RAC3: variants seen among roughly 807,000 people sequenced by gnomAD.
RAC3 encodes the protein Rac family small GTPase 3.
A neutral mutation model predicts 19.0 loss-of-function variants in RAC3; 9 were observed. The observed-to-expected ratio is 0.47, with a 90% confidence interval of 0.29 to 0.83. RAC3 has a LOEUF of 0.83. Ranked by LOEUF, RAC3 falls within the 40% of genes least tolerant of loss-of-function variation. The pLI is 0.09. For synonymous variants in RAC3, 146 were observed against 111.8 expected (o/e 1.31, Z -1.93); for missense variants, 203 against 260.8 (o/e 0.78, Z 1.53).
At position 82,033,345 on chromosome 17, in the gene RAC3, G is replaced by C. The variant is rs555156494; in HGVS notation, c.289-95G>C. The C allele has an allele frequency of 7.3e-7, 1 of 1,363,316 alleles. No homozygotes were observed. Among genetic ancestry groups the C allele is most frequent in the African/African-American group, 1.5e-5 (1 of 68,404 alleles). 84.5% of individuals were successfully genotyped at this position (1,363,316 alleles called of 1,614,324 possible). On this transcript the variant is annotated intron_variant, in intron 4 of 5. Transcript: ENST00000306897. The surrounding 1 kb of genome is among the most constrained non-coding windows in gnomAD (Gnocchi z 6.2). ...GGAAGAAGAGCCAAGTGTAGCTCTG[G>C]AACAGTGGGGAAAGTCCCTGAGGGC... is the stretch of plus-strand genomic sequence containing the variant.
In RAC3 at chr17:82,032,581, C is replaced by T. The variant is rs1201554489; in HGVS notation, c.107+123C>T. 9 of 1,440,750 alleles carry T rather than the reference C, an allele frequency of 6.2e-6. No individual in the cohort carries two copies. The South Asian group carries it at 7.1e-5, about 11-fold the overall frequency. The allele number at this position is 1,440,750 out of a possible 1,614,324, so 89.2% of individuals were successfully genotyped here. ...CAGGTGGCCCTGTCTCTGGGCTTCC[C>T]GGCTGGAGCTGAGGTGCTGGCCAGA... On this transcript the variant is annotated intron_variant, in intron 2 of 5. Transcript: ENST00000306897.
rs763154955 is a variant in RAC3, at chr17:82,033,870, C to G, written c.*41C>G. The G allele has an allele frequency of 3.2e-5, 50 of 1,553,784 alleles. No individual in the cohort carries two copies. The highest frequency in any genetic ancestry group is 1.8e-4 in the Middle Eastern group (1 of 5,694). ...GAGCCTGAGGGCTGGCGGGGAGCAG[C>G]CCTGGACGTGTCCGCTGTTGTGTTG... On this transcript the variant is annotated 3_prime_UTR_variant, in exon 6 of 6. Coordinates refer to ENST00000306897, the MANE Select transcript of RAC3 (RefSeq NM_005052.3). The surrounding 1 kb of genome is among the most constrained non-coding windows in gnomAD (Gnocchi z 6.2).
chr17:82,032,868 C>T, intron 3 of RAC3, 40 bp downstream of exon 3: 1 of 1,610,980 alleles, frequency 6.2e-7, no homozygotes, highest in Non-Finnish European at 8.5e-7. Context: ...CTGGGGGGGT[C>T]CCTGAGATCC....
At position 82,033,496 on chromosome 17, in the gene RAC3, C is replaced by G; in HGVS notation, c.345C>G (p.Thr115=). Residue 115 remains threonine, a synonymous_variant, in exon 5 of 6, where the codon ACC becomes ACG. Coordinates refer to ENST00000306897, the MANE Select transcript of RAC3 (RefSeq NM_005052.3). The surrounding 1 kb of genome is among the most constrained non-coding windows in gnomAD (Gnocchi z 6.2). The stretch of plus-strand genomic sequence containing the variant: ...ACACGCCCATCCTCCTGGTGGGCAC[C>G]AAGCTGGACCTCCGCGACGACAAGG... ...CPHTPILLVG[T]KLDLRDDKDT... 6.2e-7 allele frequency: 1 copy of G among 1,612,780 alleles called. No individual in the cohort carries two copies. Among genetic ancestry groups the G allele is most frequent in the Non-Finnish European group, 8.5e-7 (1 of 1,179,782 alleles).
Position 82,033,942 on chromosome 17 carries a change from G to GC in RAC3, c.*115dup, listed in dbSNP as rs2043458444. The GC allele has an allele frequency of 1.5e-6, 2 of 1,372,814 alleles. No individual in the cohort carries two copies. Among genetic ancestry groups the GC allele is most frequent in the Non-Finnish European group, 2.0e-6 (2 of 1,023,514 alleles). 85.0% of individuals were successfully genotyped at this position (1,372,814 alleles called of 1,614,324 possible). On this transcript the variant is annotated 3_prime_UTR_variant, in exon 6 of 6. Coordinates refer to ENST00000306897, the MANE Select transcript of RAC3 (RefSeq NM_005052.3). This position sits in a 1 kb window ranked among gnomAD's most constrained non-coding sequence, Gnocchi z 6.2. ...CGGCTGTGGGGAGCGGTGGGGGTGGGCCGGGGGGAAGCATGGGGATGAGGC... is the reference window on the plus strand; with the variant it reads ...CGGCTGTGGGGAGCGGTGGGGGTGGGCCCGGGGGGAAGCATGGGGATGAGGC...
At position 82,031,816 on chromosome 17, in the gene RAC3, G is replaced by A. The variant is rs2043431758; in HGVS notation, c.35+20G>A. On this transcript the variant is annotated intron_variant, in intron 1 of 5. Transcript: ENST00000306897. ...CGACGGGTGAGTGCGCGGCCCGGAG[G>A]CCGCTTGGCTGGGCTGGGCGGGAGG... 2 of 885,896 alleles carry A rather than the reference G, an allele frequency of 2.3e-6. No homozygotes were observed. Among genetic ancestry groups the A allele is most frequent in the Non-Finnish European group, 2.7e-6 (2 of 740,736 alleles). 54.9% of individuals were successfully genotyped at this position (885,896 alleles called of 1,614,324 possible).
At position 82,033,434 on chromosome 17, in the gene RAC3, C is replaced by T. The variant is rs1371470036; in HGVS notation, c.289-6C>T. ...GGCCTAGGGATCAGAGCGTCTGTCCCTGCAGTGGTACCCGGAGGTGCGGCA... is the reference window on the plus strand; with the variant it reads ...GGCCTAGGGATCAGAGCGTCTGTCCTTGCAGTGGTACCCGGAGGTGCGGCA... On this transcript the variant is annotated splice_polypyrimidine_tract_variant and splice_region_variant and intron_variant, in intron 4 of 5. Coordinates refer to ENST00000306897, the MANE Select transcript of RAC3 (RefSeq NM_005052.3). This position sits in a 1 kb window ranked among gnomAD's most constrained non-coding sequence, Gnocchi z 6.2. 1 of 1,597,102 alleles carries T rather than the reference C, an allele frequency of 6.3e-7. No homozygotes were observed. Among genetic ancestry groups the T allele is most frequent in the Non-Finnish European group, 8.5e-7 (1 of 1,172,116 alleles).
chr17:82,032,747 G>A lies in RAC3; in HGVS notation c.144G>A (p.Gly48=), dbSNP rs201725235. ...ACTCTGCCAACGTGATGGTGGACGG[G>A]AAACCAGTCAACTTGGGGCTGTGGG... The part of the protein sequence containing the change: ...DNYSANVMVD[G]KPVNLGLWDT... The change falls in exon 3 of 6, where the codon GGG becomes GGA. Residue 48 remains glycine (G), a synonymous_variant. Transcript: ENST00000306897. 1 of 1,613,150 alleles carries A rather than the reference G, an allele frequency of 6.2e-7. No homozygotes were observed. Among genetic ancestry groups the A allele is most frequent in the Non-Finnish European group, 8.5e-7 (1 of 1,180,010 alleles).
At chr17:82,032,909 C>G in intron 3 of RAC3, 38 bp from the exon 4 acceptor site, 1 of 1,609,554 alleles carries the variant, frequency 6.2e-7, no homozygotes. Context: ...CCCTGGGGAG[C>G]CCCTGACCAC....
Position 82,034,028 on chromosome 17 carries a change from TGGC to T in RAC3, c.*200_*202del. The T allele has an allele frequency of 2.1e-6, 1 of 473,248 alleles. No individual in the cohort carries two copies. Among genetic ancestry groups the T allele is most frequent in the Non-Finnish European group, 3.2e-6 (1 of 310,122 alleles). The allele number at this position is 473,248 out of a possible 1,614,324, so 29.3% of individuals were successfully genotyped here. A position where few individuals can be genotyped will look rare whatever the true frequency, so the allele number is the denominator to read the frequency against. On this transcript the variant is annotated 3_prime_UTR_variant, in exon 6 of 6. Coordinates refer to ENST00000306897, the MANE Select transcript of RAC3 (RefSeq NM_005052.3). ...TCTGGGGTGTGGCTCCAGCCTTCCC[TGGC>T]CCCCGCCGGAGGCCGGGAGGGAGCA...
chr17:82,032,130 C>T (rs1202022425), intron 1 of RAC3: 1 of 534,992 alleles, frequency 1.9e-6, no homozygotes, highest in Non-Finnish European at 3.3e-6. Flanking sequence ...TCTCCTGCCG[C>T]CACCCTCGGA....
chr17:82,032,497 G>T (rs765543526), intron 2 of RAC3, 39 bp downstream of exon 2: 4 of 1,600,578 alleles, frequency 2.5e-6, no homozygotes, highest in Non-Finnish European at 3.4e-6. Flanking sequence ...CAGGCCCTCC[G>T]TGTGAGTGTG....
In RAC3 at chr17:82,034,180, A is replaced by G; in HGVS notation, c.*351A>G. On this transcript the variant is annotated 3_prime_UTR_variant, in exon 6 of 6. Coordinates refer to ENST00000306897, the MANE Select transcript of RAC3 (RefSeq NM_005052.3). ...AGGTGGGGCAGCCCCTTCTCATTTT[A>G]TACAATAAACATTCTCCACCTACAC... 1 of 219,768 alleles carries G rather than the reference A, an allele frequency of 4.6e-6. No individual in the cohort carries two copies. Among genetic ancestry groups the G allele is most frequent in the Non-Finnish European group, 9.2e-6 (1 of 109,152 alleles). The allele number at this position is 219,768 out of a possible 1,614,324, so 13.6% of individuals were successfully genotyped here.
At chr17:82,032,563 C>T in intron 2 of RAC3, 105 bp downstream of exon 2, 1 of 1,477,084 alleles carries the variant, frequency 6.8e-7, no homozygotes, top group Non-Finnish European at 9.4e-7. Flanking sequence ...GCTCAGGTGG[C>T]CCTGTCTCTG....
At position 82,034,067 on chromosome 17, in the gene RAC3, C is replaced by T. The variant is rs1211789836; in HGVS notation, c.*238C>T. ...GGCCGGGAGGGAGCAGGGTCTCCCT[C>T]AGGGCTGCAGGGGCAGGTGCAGGGA... is the stretch of plus-strand genomic sequence containing the variant. On this transcript the variant is annotated 3_prime_UTR_variant, in exon 6 of 6. Coordinates refer to ENST00000306897, the MANE Select transcript of RAC3 (RefSeq NM_005052.3). 5.9e-6 allele frequency: 1 copy of T among 169,566 alleles called. No homozygotes were observed. Among genetic ancestry groups the T allele is most frequent in the Non-Finnish European group, 1.1e-5 (1 of 94,748 alleles). The allele number at this position is 169,566 out of a possible 1,614,324, so 10.5% of individuals were successfully genotyped here. A position where few individuals can be genotyped will look rare whatever the true frequency, so the allele number is the denominator to read the frequency against.
chr17:82,032,121 C>T (rs1052995295), intron 1 of RAC3: 50 of 526,740 alleles, frequency 9.5e-5, no homozygotes, highest in Non-Finnish European at 1.5e-4. Context: ...GCCCCACCCT[C>T]TCCTGCCGCC....
chr17:82,032,970 T>C lies in RAC3; in HGVS notation c.249T>C (p.Ser83=), dbSNP rs1339053648. 1 of 1,613,572 alleles carries C rather than the reference T, an allele frequency of 6.2e-7. No individual in the cohort carries two copies. Among genetic ancestry groups the C allele is most frequent in the Non-Finnish European group, 8.5e-7 (1 of 1,179,986 alleles). The change falls in exon 4 of 6, where the codon TCT becomes TCC. Residue 83 remains serine, a synonymous_variant. Coordinates refer to ENST00000306897, the MANE Select transcript of RAC3 (RefSeq NM_005052.3). ...AGGACGTCTTTCTGATCTGCTTCTC[T>C]CTGGTGAGCCCGGCCTCCTTCGAGA... ...PQTDVFLICF[S]LVSPASFENV... is the part of the protein sequence containing the mutation.
At position 82,031,678 on chromosome 17, in the gene RAC3, G is replaced by T; in HGVS notation, c.-84G>T. 1 of 847,262 alleles carries T rather than the reference G, an allele frequency of 1.2e-6. No individual in the cohort carries two copies. The allele number at this position is 847,262 out of a possible 1,614,324, so 52.5% of individuals were successfully genotyped here. On this transcript the variant is annotated 5_prime_UTR_variant, in exon 1 of 6. Coordinates refer to ENST00000306897, the MANE Select transcript of RAC3 (RefSeq NM_005052.3). ...GGCTGTCTCCGGCCGATCGCTCGGC[G>T]CTCGGGTCCGCGGCCGCTGCGGCGC...
chr17:82,033,639 G>A lies in RAC3; in HGVS notation c.448+40G>A, dbSNP rs1430163738. 6.2e-7 allele frequency: 1 copy of A among 1,602,364 alleles called. No homozygotes were observed. On this transcript the variant is annotated intron_variant, in intron 5 of 5. Coordinates refer to ENST00000306897, the MANE Select transcript of RAC3 (RefSeq NM_005052.3). The surrounding 1 kb of genome is among the most constrained non-coding windows in gnomAD (Gnocchi z 6.2). ...GCGGCCTGCAGGGGAGGGGTGGGGAGGCGCAGTAAGGGCCTCCCTGTACCC... is the reference window on the plus strand; with the variant it reads ...GCGGCCTGCAGGGGAGGGGTGGGGAAGCGCAGTAAGGGCCTCCCTGTACCC...
Sources: allele counts gnomAD v4.1 joint callset, GRCh38; gene constraint gnomAD v4.1.1; non-coding constraint Gnocchi (gnomAD v3.1); transcripts MANE v1.5; gene names NCBI Gene and HGNC (gene_info 2026-07-23, HGNC 2026-07-21).